Variants in MAST4 observed in about 807,000 individuals in gnomAD.
The protein encoded by MAST4 is microtubule-associated serine/threonine-protein kinase 4.
A neutral mutation model predicts 162.7 loss-of-function variants in MAST4; 89 were observed. The observed-to-expected ratio is 0.55, with a 90% CI of 0.46 to 0.65. The LOEUF (loss-of-function observed/expected upper bound fraction) is 0.65, where lower values mean the gene tolerates loss of function less well. Among genes scored for constraint, MAST4 ranks in the 30% least tolerant of loss-of-function variants. The pLI is 0.00. For missense variants in MAST4, 3,153 were observed against 3,374.0 expected (o/e 0.93, Z 1.62); for synonymous variants, 1,479 against 1,361.1 (o/e 1.09, Z -1.91).
In MAST4 at chr5:67,149,402, A is replaced by G; in HGVS notation, c.3108A>G (p.Ser1036=). The change falls in exon 24 of 29, where the codon TCA becomes TCG. Residue 1036 remains serine, a synonymous_variant. Transcript: ENST00000403625. The stretch of plus-strand genomic sequence containing the variant: ...TTCTTTGTACAGTTGGCAGTTTTTC[A>G]GAGCACTTGGATCAGATAAATGGAC... ...SSSTLSVGSF[S]EHLDQINGRS... 1 of 1,612,692 alleles carries G rather than the reference A, an allele frequency of 6.2e-7. No homozygotes were observed. Among genetic ancestry groups the G allele is most frequent in the Non-Finnish European group, 8.5e-7 (1 of 1,179,372 alleles).
chr5:66,705,557 C>T lies in MAST4; in HGVS notation c.364-54152C>T, dbSNP rs1750077204. Among the ~76,000 whole-genome samples, 4 of 152,194 alleles carry T rather than the reference C, an allele frequency of 2.6e-5. No individual in the cohort carries two copies. The South Asian group carries it at 8.3e-4, about 31-fold the overall frequency. On this transcript the variant is annotated intron_variant, in intron 1 of 28. Transcript: ENST00000403625. The stretch of plus-strand genomic sequence containing the variant: ...TCAGGTTCCCCTGAGTCTACTTTGA[C>T]ACTTCCATTTAAAATGCTGTGAAAT...
chr5:66,979,057 C>CT (rs1372400577), intron 4 of MAST4, among the ~76,000 whole-genome samples: 2 of 152,058 alleles, frequency 1.3e-5, no homozygotes, highest in Non-Finnish European at 1.5e-5. Context: ...GGATGGGAGG[C>CT]TTTTTACGCA....
chr5:66,683,356 C>T (rs932870744), intron 1 of MAST4, among the ~76,000 whole-genome samples: 1 of 152,124 alleles, frequency 6.6e-6, no homozygotes, highest in African/African-American at 2.4e-5. Context: ...CTGTTAAATG[C>T]TTTCTGTGGG....
intron 3 of MAST4, chr5:66,789,608 C>T (rs989976863): frequency 3.0e-5 from 12 of 394,656 alleles, no homozygotes; most frequent in African/African-American, 1.3e-4. Flanking sequence ...GGCAAGAATA[C>T]GACACTGGTG....
In MAST4 at chr5:66,986,569, A is replaced by G. The variant is rs914473225; in HGVS notation, c.675-67835A>G. 4.2e-6 allele frequency: 3 copies of G among 706,420 alleles called. No homozygotes were observed. In the African/African-American group the frequency reaches 5.8e-5, roughly 14 times the overall value. The allele number at this position is 706,420 out of a possible 1,614,324, so 43.8% of individuals were successfully genotyped here. ...TTTCTCTCTGTCTTTCCATATAGAC[A>G]TATATATATTAAAAATATATATGTA... On this transcript the variant is annotated intron_variant, in intron 4 of 28. Coordinates refer to ENST00000403625, the MANE Select transcript of MAST4 (RefSeq NM_001164664.2).
chr5:67,163,755 G>A lies in MAST4; in HGVS notation c.4576G>A (p.Asp1526Asn), dbSNP rs767973698. Residue 1526 changes from aspartate (D) to asparagine (N), a missense_variant, in exon 29 of 29, where the codon GAC becomes AAC. This residue lies in a region of MAST4 where 1,644 missense variants were observed against 1,495.0 expected (regional missense o/e 1.10). Transcript: ENST00000403625. The surrounding 1 kb of genome is among the most constrained non-coding windows in gnomAD (Gnocchi z 7.0). ...RKVGRQESVDDLDRDKLKAKV... is the reference protein window; with the variant it reads ...RKVGRQESVDNLDRDKLKAKV... ...GGTGGGCCGCCAGGAGTCTGTGGAC[G>A]ACCTGGACCGCGACAAGCTGAAGGC... The A allele has an allele frequency of 6.2e-7, 1 of 1,609,752 alleles. No homozygotes were observed. The highest frequency in any genetic ancestry group is 8.5e-7 in the Non-Finnish European group (1 of 1,178,146).
At chr5:67,067,023 T>A (rs1760325737) in intron 5 of MAST4, among the ~76,000 whole-genome samples, 1 of 152,184 alleles carries the variant, frequency 6.6e-6, no homozygotes, top group Non-Finnish European at 1.5e-5. Context: ...AGTGACATCA[T>A]GATGACCTGA....
Position 67,167,037 on chromosome 5 carries a change from A to T in MAST4, c.7858A>T (p.Lys2620Ter). 4.4e-6 allele frequency: 7 copies of T among 1,588,346 alleles called. No individual in the cohort carries two copies. The highest frequency in any genetic ancestry group is 5.1e-6 in the Non-Finnish European group (6 of 1,166,790). Reference protein sequence around the residue: ...GKESLRSSPHKKAL With the variant: ...GKESLRSSPH ...AGAGAGTTTGCGTAGCAGCCCTCAC[A>T]AAAAGGCCTTGTAACGGGGAGGGCC... is the stretch of plus-strand genomic sequence containing the variant. Residue 2620 changes from lysine (K) to a stop codon, truncating the protein, a stop_gained, in exon 29 of 29, where the codon AAA becomes TAA. Coordinates refer to ENST00000403625, the MANE Select transcript of MAST4 (RefSeq NM_001164664.2). LOFTEE classifies it high-confidence loss of function.
chr5:66,799,346 G>A (rs372812113), intron 3 of MAST4, among the ~76,000 whole-genome samples: 6 of 152,048 alleles, frequency 3.9e-5, no homozygotes, highest in African/African-American at 1.4e-4. Flanking sequence ...AGTGCATATC[G>A]GAACCAAAGC....
At chr5:66,956,019 T>C (rs1318517380) in intron 4 of MAST4, among the ~76,000 whole-genome samples, 3 of 151,966 alleles carry the variant, frequency 2.0e-5, no homozygotes, top group Admixed American at 6.6e-5. Context: ...GACAGGGTCT[T>C]GCTATGTTGT....
chr5:66,684,998 A>T (rs1025891198), intron 1 of MAST4, among the ~76,000 whole-genome samples: 7 of 152,308 alleles, frequency 4.6e-5, no homozygotes, highest in Admixed American at 6.5e-5. Flanking sequence ...GGGGTGGCTC[A>T]TGCCTATAAC....
chr5:66,653,519 G>A (rs1446845040), intron 1 of MAST4, among the ~76,000 whole-genome samples: 2 of 152,196 alleles, frequency 1.3e-5, no homozygotes, highest in South Asian at 4.1e-4. Context: ...CTTCAGTGTT[G>A]CATTCAAGGC....
At chr5:66,747,166 C>G (rs560796441) in intron 1 of MAST4, among the ~76,000 whole-genome samples, 2 of 151,088 alleles carry the variant, frequency 1.3e-5, no homozygotes, top group South Asian at 4.2e-4. Flanking sequence ...AATTGACTTT[C>G]TTGAAGTTGA....
intron 4 of MAST4, among the ~76,000 whole-genome samples, chr5:67,049,148 C>T (rs1354633471): frequency 6.7e-6 from 1 of 148,830 alleles, no homozygotes; most frequent in Non-Finnish European, 1.5e-5. Flanking sequence ...CTTTTGGGGA[C>T]TGGAATATGT....
intron 4 of MAST4, among the ~76,000 whole-genome samples, chr5:67,030,173 T>G (rs27205): frequency 0.13 from 20,045 of 152,138 alleles, 1,436 homozygotes; most frequent in South Asian, 0.22. Context: ...TATGGGTCAT[T>G]CACATCCTTA....
chr5:66,865,064 G>C (rs571997304), intron 3 of MAST4, among the ~76,000 whole-genome samples: 1 of 152,350 alleles, frequency 6.6e-6, no homozygotes, highest in East Asian at 1.9e-4. Context: ...GGGTGAGACA[G>C]TAATGTTGAC....
chr5:66,617,123 C>T (rs576410775), intron 1 of MAST4, among the ~76,000 whole-genome samples: 37 of 152,208 alleles, frequency 2.4e-4, no homozygotes, highest in African/African-American at 7.5e-4. Context: ...GAGTATGAGG[C>T]ACTCAAATTA....
chr5:66,781,628 AG>A (rs943995370), intron 2 of MAST4, among the ~76,000 whole-genome samples: 32 of 152,110 alleles, frequency 2.1e-4, no homozygotes, highest in African/African-American at 7.5e-4. Context: ...GGTACCTTAG[AG>A]GGTTGTACAC....
chr5:66,910,555 A>T (rs762234134), intron 4 of MAST4, among the ~76,000 whole-genome samples: 5 of 152,008 alleles, frequency 3.3e-5, no homozygotes, highest in South Asian at 2.1e-4. Context: ...TTGACTCTTG[A>T]GATTTAAATT....
Sources: gnomAD v4.1 joint callset for allele counts (sites outside exome capture counted in the v4.1 genomes callset) on GRCh38, gnomAD v4.1.1 for gene constraint, gnomAD v4.1.1 regional missense constraint, Gnocchi (gnomAD v3.1) non-coding constraint, MANE v1.5 for transcripts, NCBI Gene and HGNC (gene_info 2026-07-23, HGNC 2026-07-21) for gene names.